Variants in GLG1 observed in about 807,000 individuals in gnomAD.
GLG1 encodes Golgi apparatus protein 1.
A neutral mutation model predicts 160.5 loss-of-function variants in GLG1; 38 were observed. The ratio of observed to expected loss-of-function variants is 0.24; its 90% confidence interval spans 0.18 to 0.31. The LOEUF is 0.31. GLG1 is among the 10% of genes least tolerant of loss of function. GLG1 has a pLI of 1.00. For missense variants in GLG1, 1,373 were observed against 1,505.2 expected, an observed-to-expected ratio of 0.91 and a Z score of 1.45; for synonymous variants, 644 against 543.4, an observed-to-expected ratio of 1.19 and a Z score of -2.57.
intron 1 of GLG1, among the ~76,000 whole-genome samples, chr16:74,569,876 A>G (rs577528604): frequency 7.9e-4 from 110 of 139,000 alleles, no homozygotes; most frequent in Admixed American, 2.2e-3. Flanking sequence ...AAAAAAAAAG[A>G]AAAAAAAAAA....
intron 1 of GLG1, among the ~76,000 whole-genome samples, chr16:74,597,164 G>A (rs2143892585): frequency 6.6e-6 from 1 of 151,936 alleles, no homozygotes; most frequent in Non-Finnish European, 1.5e-5. Flanking sequence ...CAGGCACAGT[G>A]GCTCACGCCT....
intron 13 of GLG1, among the ~76,000 whole-genome samples, chr16:74,473,706 T>C (rs549948876): frequency 6.6e-6 from 1 of 152,132 alleles, no homozygotes; most frequent in African/African-American, 2.4e-5. Flanking sequence ...CCCAAAGTGC[T>C]GGGATTACAG....
intron 1 of GLG1, among the ~76,000 whole-genome samples, chr16:74,605,676 G>A (rs1174090540): frequency 1.3e-5 from 2 of 152,014 alleles, no homozygotes; most frequent in East Asian, 3.9e-4. Context: ...AATGCCAAGA[G>A]AAGCAAATTT....
At chr16:74,481,642 T>C (rs2015602125) in intron 10 of GLG1, among the ~76,000 whole-genome samples, 2 of 152,130 alleles carry the variant, frequency 1.3e-5, no homozygotes, top group Non-Finnish European at 2.9e-5. Context: ...AAGAATATAT[T>C]GAATCTTCAA....
intron 1 of GLG1, among the ~76,000 whole-genome samples, chr16:74,595,379 T>C (rs1236616141): frequency 6.7e-6 from 1 of 150,156 alleles, no homozygotes; most frequent in Non-Finnish European, 1.5e-5. Context: ...CTACTAAACA[T>C]ACAAAAAATT....
intron 1 of GLG1, among the ~76,000 whole-genome samples, chr16:74,586,048 G>T (rs573248011): frequency 6.8e-6 from 1 of 146,030 alleles, no homozygotes; most frequent in East Asian, 2.0e-4. Flanking sequence ...GGACAACAGA[G>T]CAAGACTCTG....
chr16:74,488,320 C>T (rs1056089205), intron 8 of GLG1, among the ~76,000 whole-genome samples: 1 of 152,036 alleles, frequency 6.6e-6, no homozygotes, highest in Admixed American at 6.6e-5. Flanking sequence ...AACGGGCAGA[C>T]TGCTTGAGCC....
chr16:74,466,416 C>CTA (rs1567460328), intron 18 of GLG1, among the ~76,000 whole-genome samples: 1 of 152,190 alleles, frequency 6.6e-6, no homozygotes, highest in Non-Finnish European at 1.5e-5. Context: ...CTTCCCTAAA[C>CTA]CTTCAGATAT....
At chr16:74,465,868 G>C in intron 18 of GLG1, 55 bp from the exon 19 acceptor site, 1 of 1,503,726 alleles carries the variant, frequency 6.7e-7, no homozygotes, top group East Asian at 2.3e-5. Context: ...GCTCATCCAT[G>C]TGTTCTGATT....
In GLG1 at chr16:74,600,810, C is replaced by G. The variant is rs559582555; in HGVS notation, c.438+5847G>C. ...TAAGAATAGCAGAGCTGTGTTCCAC[C>G]CAAATCTAAATCCTAATTTTGTCTT... On this transcript the variant is annotated intron_variant, in intron 1 of 25. Coordinates refer to ENST00000422840, the MANE Select transcript of GLG1 (RefSeq NM_001145667.2). Among the ~76,000 whole-genome samples, 8 of 151,696 alleles carry G rather than the reference C, an allele frequency of 5.3e-5. No homozygotes were observed. In the South Asian group the frequency reaches 1.7e-3, roughly 32 times the overall value.
chr16:74,488,139 C>T (rs2015857358), intron 8 of GLG1, among the ~76,000 whole-genome samples: 1 of 152,086 alleles, frequency 6.6e-6, no homozygotes, highest in African/African-American at 2.4e-5. Context: ...AGCTTACTAC[C>T]TGCTGAGAAA....
intron 9 of GLG1, among the ~76,000 whole-genome samples, chr16:74,484,991 G>A (rs1405005875): frequency 6.6e-6 from 1 of 151,890 alleles, no homozygotes; most frequent in East Asian, 1.9e-4. Flanking sequence ...ATAACTCACT[G>A]TAACCTTGAA....
At position 74,453,341 on chromosome 16, in the gene GLG1, T is replaced by A; in HGVS notation, c.3373-7A>T. 6.2e-7 allele frequency: 1 copy of A among 1,600,898 alleles called. No homozygotes were observed. The highest frequency in any genetic ancestry group is 8.6e-7 in the Non-Finnish European group (1 of 1,168,206). On this transcript the variant is annotated splice_region_variant and splice_polypyrimidine_tract_variant and intron_variant, in intron 25 of 25. Transcript: ENST00000422840. Reference sequence around the variant, plus strand: ...AGCCATCTGCTGGGGCCACCTAGAATGACACAAGGCAATGTGATTCTCTGA... The same window carrying A: ...AGCCATCTGCTGGGGCCACCTAGAAAGACACAAGGCAATGTGATTCTCTGA...
chr16:74,460,310 C>T (rs1037990417), intron 22 of GLG1, among the ~76,000 whole-genome samples: 2 of 152,142 alleles, frequency 1.3e-5, no homozygotes, highest in Non-Finnish European at 2.9e-5. Flanking sequence ...CATGAGCCAC[C>T]GCAACTGGCC....
intron 12 of GLG1, 107 bp from the exon 13 acceptor site, chr16:74,474,739 T>C (rs534553046): frequency 5.4e-5 from 40 of 738,462 alleles, no homozygotes; most frequent in Middle Eastern, 2.4e-4. Context: ...TCCTCCTTTC[T>C]CTTCTTTTTA....
chr16:74,561,262 C>G lies in GLG1; in HGVS notation c.439-29109G>C, dbSNP rs1037769889. Among the ~76,000 whole-genome samples, 10 of 152,254 alleles carry G rather than the reference C, an allele frequency of 6.6e-5. 1 individual carries two copies. The highest frequency in any genetic ancestry group is 5.9e-4 in the Admixed American group (9 of 15,290). ...GCACCTAGGCCTGCACCCTCACACC[C>G]TTCATGACCACAACCAAATTTTCTT... is the stretch of plus-strand genomic sequence containing the variant. On this transcript the variant is annotated intron_variant, in intron 1 of 25. Transcript: ENST00000422840.
At chr16:74,498,420 C>G (rs1353290166) in intron 4 of GLG1, among the ~76,000 whole-genome samples, 6 of 24,612 alleles carry the variant, frequency 2.4e-4, no homozygotes, top group African/African-American at 5.7e-4. Flanking sequence ...AGGTGCAGTG[C>G]AAGGCTCTGT....
chr16:74,514,025 G>A lies in GLG1; in HGVS notation c.472-5100C>T, dbSNP rs1051456609. Among the ~76,000 whole-genome samples, 7 of 152,020 alleles carry A rather than the reference G, an allele frequency of 4.6e-5. 1 individual carries two copies. Among genetic ancestry groups the A allele is most frequent in the African/African-American group, 7.2e-5 (3 of 41,384 alleles). ...GCTTCAATAGTCGATTTGATCAAGC[G>A]GAAGAAATGATCAGTGATTGAAGAT... is the stretch of plus-strand genomic sequence containing the variant. On this transcript the variant is annotated intron_variant, in intron 2 of 25. Transcript: ENST00000422840.
intron 4 of GLG1, among the ~76,000 whole-genome samples, chr16:74,501,749 A>G (rs1387297114): frequency 1.3e-5 from 2 of 152,246 alleles, no homozygotes; most frequent in Non-Finnish European, 2.9e-5. Context: ...GGAATTGGAT[A>G]TAATTTTCAA....
Sources: gnomAD v4.1 joint callset for allele counts (sites outside exome capture counted in the v4.1 genomes callset) on GRCh38, gnomAD v4.1.1 for gene constraint, MANE v1.5 for transcripts, NCBI Gene and HGNC (gene_info 2026-07-23, HGNC 2026-07-21) for gene names.